Variants in TCF3 observed in about 807,000 individuals in gnomAD.
The protein encoded by TCF3 is transcription factor 3.
In TCF3, 54 loss-of-function variants were observed where a neutral mutation model predicts 72.3. The ratio of observed to expected loss-of-function variants is 0.75; its 90% CI spans 0.60 to 0.94. TCF3 has a LOEUF of 0.94. Ranked by LOEUF, TCF3 falls within the 40% of genes least tolerant of loss-of-function variation. The probability of loss-of-function intolerance (pLI) is 0.00; values close to 1 mark genes in which losing one functional copy is unlikely to be tolerated. For synonymous variants in TCF3, 525 were observed against 412.6 expected, an observed-to-expected ratio of 1.27 and a Z score of -3.30; for missense variants, 1,078 against 934.4, an observed-to-expected ratio of 1.15 and a Z score of -2.00.
At position 1,639,658 on chromosome 19, in the gene TCF3, G is replaced by A. The variant is rs188946365; in HGVS notation, c.145+6697C>T. On this transcript the variant is annotated intron_variant, in intron 3 of 18. Transcript: ENST00000262965. ...AGTAGCTACCGTTTAAGCCAAAGCT[G>A]AGTTTTGGCACTGGAGATCTAGAAA... Among the ~76,000 whole-genome samples, 74 of 147,074 alleles carry A rather than the reference G, an allele frequency of 5.0e-4. No homozygotes were observed. The East Asian group carries it at 8.4e-3, about 17-fold the overall frequency.
chr19:1,638,616 T>C (rs2064800746), intron 3 of TCF3, among the ~76,000 whole-genome samples: 1 of 152,220 alleles, frequency 6.6e-6, no homozygotes, highest in South Asian at 2.1e-4. Flanking sequence ...ATTTTCACCT[T>C]CTCACAGAAG....
intron 3 of TCF3, among the ~76,000 whole-genome samples, chr19:1,635,316 T>G (rs77559136): frequency 6.6e-6 from 1 of 152,182 alleles, no homozygotes; most frequent in Non-Finnish European, 1.5e-5. Context: ...GCCCAGTCCC[T>G]GCAGCAGCTT....
At chr19:1,629,613 G>A (rs1401283249) in intron 5 of TCF3, among the ~76,000 whole-genome samples, 3 of 152,132 alleles carry the variant, frequency 2.0e-5, no homozygotes, top group Non-Finnish European at 4.4e-5. Context: ...AGGGCCTGGG[G>A]CTGATGCGGT....
At chr19:1,630,641 G>A (rs922302448) in intron 5 of TCF3, among the ~76,000 whole-genome samples, 3 of 152,210 alleles carry the variant, frequency 2.0e-5, no homozygotes, top group Non-Finnish European at 4.4e-5. Context: ...CGAAAAGCCA[G>A]CAGAAACACT....
intron 2 of TCF3, among the ~76,000 whole-genome samples, chr19:1,646,919 CG>C (rs1321711137): frequency 6.6e-6 from 1 of 152,244 alleles, no homozygotes; most frequent in African/African-American, 2.4e-5. Flanking sequence ...GCACTGGCCC[CG>C]CATGGCAGGC....
chr19:1,618,913 C>T (rs2061842350), intron 16 of TCF3, among the ~76,000 whole-genome samples, 198 bp downstream of exon 16: 1 of 152,212 alleles, frequency 6.6e-6, no homozygotes, highest in African/African-American at 2.4e-5. Flanking sequence ...CAGAGCTGTC[C>T]ACCTCACACG....
At position 1,615,594 on chromosome 19, in the gene TCF3, G is replaced by A. The variant is rs999756676; in HGVS notation, c.1587-74C>T. On this transcript the variant is annotated intron_variant, in intron 17 of 18. Coordinates refer to ENST00000262965, the MANE Select transcript of TCF3 (RefSeq NM_003200.5). The surrounding 1 kb of genome is among the most constrained non-coding windows in gnomAD (Gnocchi z 7.3). ...GGGAAGAGCGTGGGGCCCGCCGACG[G>A]CCTCCCAGTGTGGGTGCGGTGTGCG... The A allele has an allele frequency of 2.5e-6, 4 of 1,607,298 alleles. No individual in the cohort carries two copies. Among genetic ancestry groups the A allele is most frequent in the Non-Finnish European group, 3.4e-6 (4 of 1,179,742 alleles).
intron 3 of TCF3, among the ~76,000 whole-genome samples, chr19:1,642,246 ACACACACGTGCG>A (rs1415236441): frequency 7.0e-6 from 1 of 143,850 alleles, no homozygotes; most frequent in East Asian, 2.0e-4. Context: ...GCGCAGACGC[ACACACACGTGCG>A]CACACACGCA....
intron 16 of TCF3, among the ~76,000 whole-genome samples, chr19:1,617,777 C>G (rs545097778): frequency 1.3e-5 from 2 of 152,198 alleles, no homozygotes; most frequent in Non-Finnish European, 2.9e-5. Context: ...CCTGTGGGTC[C>G]GGACCCTTCT....
At chr19:1,616,934 T>TG (rs1346092005) in intron 16 of TCF3, among the ~76,000 whole-genome samples, 1 of 151,864 alleles carries the variant, frequency 6.6e-6, no homozygotes, top group Non-Finnish European at 1.5e-5. Context: ...CCACAATCAA[T>TG]GGGAAAGGAC....
intron 3 of TCF3, among the ~76,000 whole-genome samples, chr19:1,646,119 C>A (rs139788281): frequency 6.6e-6 from 1 of 152,134 alleles, no homozygotes; most frequent in Non-Finnish European, 1.5e-5. Flanking sequence ...AGGCTCCAGG[C>A]GCGGGAGGGA....
rs144467018 is a variant in TCF3 at position 1,616,250 on chromosome 19, G to A, written c.1451-429C>T. On this transcript the variant is annotated intron_variant, in intron 16 of 18. Coordinates refer to ENST00000262965, the MANE Select transcript of TCF3 (RefSeq NM_003200.5). ...AGCATTTTGGGAGGCCGAGGTGGGT[G>A]GATCACGAGGTCAGGAGATCAAGAC... 6.2e-4 allele frequency among the ~76,000 whole-genome samples: 95 copies of A among 152,148 alleles called. 1 individual carries two copies. The highest frequency in any genetic ancestry group is 2.2e-3 in the African/African-American group (93 of 41,514).
In TCF3 at chr19:1,615,901, G is replaced by C; in HGVS notation, c.1451-80C>G. The C allele has an allele frequency of 6.9e-7, 1 of 1,451,928 alleles. No individual in the cohort carries two copies. Among genetic ancestry groups the C allele is most frequent in the Non-Finnish European group, 9.1e-7 (1 of 1,102,024 alleles). The allele number at this position is 1,451,928 out of a possible 1,614,324, so 89.9% of individuals were successfully genotyped here. On this transcript the variant is annotated intron_variant, in intron 16 of 18. Coordinates refer to ENST00000262965, the MANE Select transcript of TCF3 (RefSeq NM_003200.5). The surrounding 1 kb of genome is among the most constrained non-coding windows in gnomAD (Gnocchi z 7.3). ...ATCTCTTTGTGCTCCTGTGGTGAGG[G>C]ACTTGGGCTTTCCTGGAAAAACCAG...
intron 13 of TCF3, among the ~76,000 whole-genome samples, chr19:1,620,104 A>G (rs528875727): frequency 6.6e-6 from 1 of 152,046 alleles, no homozygotes; most frequent in African/African-American, 2.4e-5. Flanking sequence ...CCAACTCCCC[A>G]CTCAGAGGAT....
Position 1,622,174 on chromosome 19 carries a change from C to A in TCF3, c.702G>T (p.Ala234=). 6.4e-7 allele frequency: 1 copy of A among 1,570,388 alleles called. No individual in the cohort carries two copies. Residue 234 remains alanine, a synonymous_variant, in exon 10 of 19, where the codon GCG becomes GCT. Coordinates refer to ENST00000262965, the MANE Select transcript of TCF3 (RefSeq NM_003200.5). Reference sequence around the variant, plus strand: ...CCCCACCCAGCATGGGCCCGAAGCCCGCCTGGCCCGGGGGACTCCAGAGCT... The same window carrying A: ...CCCCACCCAGCATGGGCCCGAAGCCAGCCTGGCCCGGGGGACTCCAGAGCT... ...SAELWSPPGQ[A]GFGPMLGGGS...
intron 2 of TCF3, 35 bp from the exon 3 acceptor site, chr19:1,646,462 G>T: frequency 6.5e-7 from 1 of 1,539,124 alleles, no homozygotes; most frequent in Non-Finnish European, 8.8e-7. Flanking sequence ...GAGCGGGGCG[G>T]GTGGCAAACC....
chr19:1,648,475 G>A (rs1470504014), intron 2 of TCF3, among the ~76,000 whole-genome samples: 11 of 152,158 alleles, frequency 7.2e-5, no homozygotes. Context: ...TCAGGTCCTG[G>A]GGCTGAACCT....
rs1393460649 is a variant in TCF3, at chr19:1,609,690, G to T, written c.*2017C>A. 4.4e-6 allele frequency: 1 copy of T among 227,556 alleles called. No homozygotes were observed. Among genetic ancestry groups the T allele is most frequent in the African/African-American group, 2.2e-5 (1 of 44,894 alleles). 14.1% of individuals were successfully genotyped at this position (227,556 alleles called of 1,614,324 possible). A position where few individuals can be genotyped will look rare whatever the true frequency, so the allele number is the denominator to read the frequency against. Reference sequence around the variant, plus strand: ...GGGCGTAGGGGAAGCCACCGAGAAGGGAGAGGCAGCCGGACAGCCCCTCCC... The same window carrying T: ...GGGCGTAGGGGAAGCCACCGAGAAGTGAGAGGCAGCCGGACAGCCCCTCCC... On this transcript the variant is annotated 3_prime_UTR_variant, in exon 19 of 19. Transcript: ENST00000262965.
In TCF3 at chr19:1,614,279, G is replaced by A. The variant is rs1021157383; in HGVS notation, c.1822+1006C>T. 5.3e-5 allele frequency among the ~76,000 whole-genome samples: 8 copies of A among 152,350 alleles called. No homozygotes were observed. The highest frequency in any genetic ancestry group is 1.9e-4 in the East Asian group (1 of 5,188). ...GCGGCCCCTGGAGCCCAGGACAAGC[G>A]CACAGACCAAACTGACAGGACCAGG... On this transcript the variant is annotated intron_variant, in intron 18 of 18. Transcript: ENST00000262965. The surrounding 1 kb of genome is among the most constrained non-coding windows in gnomAD (Gnocchi z 5.6).
Sources: allele counts gnomAD v4.1 joint callset (sites outside exome capture counted in the v4.1 genomes callset), GRCh38; gene constraint gnomAD v4.1.1; non-coding constraint Gnocchi (gnomAD v3.1); transcripts MANE v1.5; gene names NCBI Gene and HGNC (gene_info 2026-07-23, HGNC 2026-07-21).